The following ZNF33A variants were observed in gnomAD, a reference collection of about 807,000 sequenced individuals.
ZNF33A encodes zinc finger protein 33A, also known as brain my041 protein.
Under a neutral mutation model 15.9 loss-of-function variants are expected in ZNF33A, and 9 were observed. The ratio of observed to expected loss-of-function variants is 0.57; its 90% confidence interval spans 0.34 to 0.99. The LOEUF (loss-of-function observed/expected upper bound fraction) is 0.99. ZNF33A is among the 50% of genes least tolerant of loss of function. ZNF33A has a pLI of 0.02. For missense variants in ZNF33A, 843 were observed against 941.6 expected, an observed-to-expected ratio of 0.90 and a Z score of 1.37; for synonymous variants, 294 against 324.2, an observed-to-expected ratio of 0.91 and a Z score of 1.00.
chr10:38,012,421 GTTTGT>G (rs2064227640), intron 2 of ZNF33A, 71 bp downstream of exon 2: 46 of 671,110 alleles, frequency 6.9e-5, no homozygotes, highest in Non-Finnish European at 9.3e-5. Flanking sequence ...TCGATATGGT[GTTTGT>G]TTTTTTTTTT....
Position 38,039,398 on chromosome 10 carries a change from G to GTTT in ZNF33A, c.251-14969_251-14967dup, listed in dbSNP as rs59435586. The GTTT allele has an allele frequency of 5.9e-4, 233 of 391,838 alleles. 1 individual carries two copies. Among genetic ancestry groups the GTTT allele is most frequent in the Middle Eastern group, 2.9e-3 (4 of 1,400 alleles). 24.3% of individuals were successfully genotyped at this position (391,838 alleles called of 1,614,324 possible). ...CCAGCACACCCAGCTAATTTTTTGT[G>GTTT]TTTTTTTTTTGTAGAGATGGGGTTT... On this transcript the variant is annotated intron_variant, in intron 4 of 4. Coordinates refer to ENST00000432900, the MANE Select transcript of ZNF33A (RefSeq NM_006954.2).
At chr10:38,016,698 T>C (rs1256047308) in intron 2 of ZNF33A, among the ~76,000 whole-genome samples, 173 bp from the exon 3 acceptor site, 1 of 152,262 alleles carries the variant, frequency 6.6e-6, no homozygotes, top group African/African-American at 2.4e-5. Context: ...TTGTAGGAAC[T>C]TGATAATTTC....
downstream of ZNF33A, among the ~76,000 whole-genome samples, chr10:38,063,684 G>A (rs1444268709): frequency 3.3e-5 from 5 of 152,310 alleles, no homozygotes; most frequent in Middle Eastern, 3.4e-3. Flanking sequence ...TCTGGTAAGA[G>A]CTAAGATGCA....
At chr10:38,039,718 G>A (rs2065611725) in intron 4 of ZNF33A, 2 of 374,620 alleles carry the variant, frequency 5.3e-6, no homozygotes, top group Non-Finnish European at 1.0e-5. Context: ...TTCTGTAAGA[G>A]TACTAGTAAT....
chr10:38,011,142 G>A (rs575974), intron 1 of ZNF33A, among the ~76,000 whole-genome samples: 1 of 152,214 alleles, frequency 6.6e-6, no homozygotes, highest in Non-Finnish European at 1.5e-5. Context: ...GGGTGCAGTC[G>A]CCCGCCAGAC....
Position 38,055,687 on chromosome 10 carries a change from G to C in ZNF33A, c.1563G>C (p.Gly521=). 1.2e-6 allele frequency: 2 copies of C among 1,613,758 alleles called. No homozygotes were observed. Among genetic ancestry groups the C allele is most frequent in the Non-Finnish European group, 8.5e-7 (1 of 1,179,956 alleles). The change falls in exon 5 of 5, where the codon GGG becomes GGC. Residue 521 remains glycine, a synonymous_variant. Coordinates refer to ENST00000432900, the MANE Select transcript of ZNF33A (RefSeq NM_006954.2). ...CCAGGCATCAGATAATTCATACAGG[G>C]TGGAAACCTTATGAATGTTATGAAT... ...LLTRHQIIHT[G]WKPYECYECG...
At chr10:38,046,885 T>TA (rs1367996044) in intron 4 of ZNF33A, among the ~76,000 whole-genome samples, 1 of 151,954 alleles carries the variant, frequency 6.6e-6, no homozygotes, top group Non-Finnish European at 1.5e-5. Context: ...ACATGAGAAA[T>TA]ACATGGCCAG....
chr10:38,063,029 AAAAG>A (rs1299012461), downstream of ZNF33A, among the ~76,000 whole-genome samples: 2 of 148,918 alleles, frequency 1.3e-5, no homozygotes, highest in Non-Finnish European at 3.0e-5. Context: ...AAAAAAAAAA[AAAAG>A]AGGAAAAGTA....
At chr10:38,027,800 C>T (rs953519939) in intron 4 of ZNF33A, among the ~76,000 whole-genome samples, 22 of 152,110 alleles carry the variant, frequency 1.4e-4, no homozygotes, top group African/African-American at 4.6e-4. Context: ...ATATAGTATC[C>T]TTCTTTGTCC....
chr10:38,054,056 T>C (rs973389044), intron 4 of ZNF33A, among the ~76,000 whole-genome samples: 2 of 152,214 alleles, frequency 1.3e-5, no homozygotes, highest in African/African-American at 4.8e-5. Flanking sequence ...ACCTTTATAA[T>C]TCTTGGGAGG....
chr10:38,013,877 A>C (rs561321924), intron 2 of ZNF33A, among the ~76,000 whole-genome samples: 34 of 151,892 alleles, frequency 2.2e-4, no homozygotes, highest in South Asian at 6.2e-4. Context: ...CATTGCCAGC[A>C]CTCCTGAAGC....
At chr10:38,047,788 A>G (rs1327589898) in intron 4 of ZNF33A, among the ~76,000 whole-genome samples, 3 of 152,100 alleles carry the variant, frequency 2.0e-5, no homozygotes, top group Admixed American at 6.6e-5. Flanking sequence ...AAAATGTCCA[A>G]ATGTGATGGG....
chr10:38,010,911 C>T (rs2064141171), intron 1 of ZNF33A, 128 bp downstream of exon 1: 2 of 1,187,596 alleles, frequency 1.7e-6, no homozygotes, highest in Non-Finnish European at 2.4e-6. Flanking sequence ...GCGGGGACGG[C>T]GGGGCTGCAG....
chr10:38,023,233 C>T (rs1294373099), intron 4 of ZNF33A, among the ~76,000 whole-genome samples: 4 of 152,084 alleles, frequency 2.6e-5, no homozygotes, highest in Non-Finnish European at 4.4e-5. Flanking sequence ...TGTGAGCCAC[C>T]GCACCCGGCC....
chr10:38,053,583 T>C (rs564748669), intron 4 of ZNF33A, among the ~76,000 whole-genome samples: 1 of 152,278 alleles, frequency 6.6e-6, no homozygotes, highest in Non-Finnish European at 1.5e-5. Context: ...CCATAACAGA[T>C]TCCTTAATAA....
chr10:38,039,750 A>T, intron 4 of ZNF33A: 1 of 321,714 alleles, frequency 3.1e-6, no homozygotes, highest in South Asian at 2.5e-5. Context: ...CCCTACTTTT[A>T]GTAATTTGAA....
chr10:38,054,388 T>C lies in ZNF33A; in HGVS notation c.264T>C (p.Ala88=). The C allele has an allele frequency of 6.4e-7, 1 of 1,565,314 alleles. No homozygotes were observed. Among genetic ancestry groups the C allele is most frequent in the Non-Finnish European group, 8.6e-7 (1 of 1,160,820 alleles). Reference sequence around the variant, plus strand: ...GCTTGTTTCTAGAAGTCTGGACAGCTGATCACCTGAAAGAGAGGAGCCAAG... The same window carrying C: ...GCTTGTTTCTAGAAGTCTGGACAGCCGATCACCTGAAAGAGAGGAGCCAAG... ...PSQSFPEVWT[A]DHLKERSQEN... is the part of the protein sequence containing the mutation. Residue 88 remains alanine (A), a synonymous_variant, in exon 5 of 5, where the codon GCT becomes GCC. Transcript: ENST00000432900.
intron 4 of ZNF33A, among the ~76,000 whole-genome samples, chr10:38,044,812 T>A (rs1227219737): frequency 6.6e-6 from 1 of 151,906 alleles, no homozygotes; most frequent in African/African-American, 2.4e-5. Flanking sequence ...GGATTACAAG[T>A]GCCTGCCACC....
rs751628862 is a variant in ZNF33A at position 38,059,620 on chromosome 10, A to C, written c.*3060A>C. On this transcript the variant is annotated 3_prime_UTR_variant, in exon 5 of 5. Coordinates refer to ENST00000432900, the MANE Select transcript of ZNF33A (RefSeq NM_006954.2). Reference sequence around the variant, plus strand: ...GAAAACCAATCTGAAAAGGCTTTCTATTTTGTATGATTGCAATTATATGAC... The same window carrying C: ...GAAAACCAATCTGAAAAGGCTTTCTCTTTTGTATGATTGCAATTATATGAC... The C allele has an allele frequency of 1.3e-5, 2 of 152,200 alleles. No homozygotes were observed. Among genetic ancestry groups the C allele is most frequent in the African/African-American group, 4.8e-5 (2 of 41,462 alleles). 9.4% of individuals were successfully genotyped at this position (152,200 alleles called of 1,614,324 possible). A position where few individuals can be genotyped will look rare whatever the true frequency, so the allele number is the denominator to read the frequency against.
Sources: allele counts gnomAD v4.1 joint callset (sites outside exome capture counted in the v4.1 genomes callset), GRCh38; gene constraint gnomAD v4.1.1; transcripts MANE v1.5; gene names NCBI Gene and HGNC (gene_info 2026-07-23, HGNC 2026-07-21).